The following CSMD1 variants were observed in gnomAD, a reference collection of about 807,000 sequenced individuals.
CSMD1 encodes CUB and Sushi multiple domains 1.
In CSMD1, 213 loss-of-function variants were observed where a neutral mutation model predicts 417.5. The observed-to-expected ratio is 0.51, with a 90% CI of 0.46 to 0.57. CSMD1 has a LOEUF of 0.57. Ranked by LOEUF, CSMD1 falls within the 20% of genes least tolerant of loss-of-function variation. The pLI is 0.00. For missense variants in CSMD1, 6,923 were observed against 4,529.7 expected (o/e 1.53, Z -15.17); for synonymous variants, 2,862 against 1,736.8 (o/e 1.65, Z -16.11).
At chr8:3,040,175 C>A (rs7014609) in intron 50 of CSMD1, among the ~76,000 whole-genome samples, 6,042 of 151,994 alleles carry the variant, frequency 0.04, 412 homozygotes, top group African/African-American at 0.14. Flanking sequence ...AAAGAAGGAA[C>A]GAACATCCAA....
intron 3 of CSMD1, among the ~76,000 whole-genome samples, chr8:4,233,397 T>A (rs1801860468): frequency 6.6e-6 from 1 of 152,198 alleles, no homozygotes; most frequent in African/African-American, 2.4e-5. Context: ...GAAAGTGTTT[T>A]CCACAAAATT....
At chr8:4,575,566 A>G (rs544030609) in intron 2 of CSMD1, among the ~76,000 whole-genome samples, 2 of 152,310 alleles carry the variant, frequency 1.3e-5, no homozygotes, top group East Asian at 3.9e-4. Flanking sequence ...TCACTTTGAG[A>G]CAGAAAGTTG....
intron 3 of CSMD1, among the ~76,000 whole-genome samples, chr8:4,323,882 T>A (rs1799409162): frequency 6.6e-6 from 1 of 152,046 alleles, no homozygotes; most frequent in Admixed American, 6.6e-5. Context: ...ATGAAGAAAC[T>A]CCACATTTTG....
At chr8:4,985,769 A>C (rs562831257) in intron 1 of CSMD1, among the ~76,000 whole-genome samples, 24 of 152,340 alleles carry the variant, frequency 1.6e-4, no homozygotes, top group African/African-American at 5.8e-4. Flanking sequence ...ATGTTGAACA[A>C]GTGAACTGCA....
chr8:4,633,248 T>G (rs546188418), intron 2 of CSMD1, among the ~76,000 whole-genome samples: 1 of 149,408 alleles, frequency 6.7e-6, no homozygotes, highest in East Asian at 1.9e-4. Flanking sequence ...TGTGTTCGTT[T>G]GTTTCTTTGT....
intron 26 of CSMD1, among the ~76,000 whole-genome samples, chr8:3,276,677 A>G (rs528240363): frequency 6.6e-6 from 1 of 152,290 alleles, no homozygotes; most frequent in South Asian, 2.1e-4. Context: ...GCAGTTACAT[A>G]TTTATTAAAG....
intron 41 of CSMD1, among the ~76,000 whole-genome samples, chr8:3,137,402 C>T (rs760511633): frequency 6.1e-4 from 93 of 152,316 alleles, no homozygotes; most frequent in Middle Eastern, 6.8e-3. Flanking sequence ...GGAATAAACA[C>T]CTCAAGTATG....
chr8:4,334,665 C>A (rs528188778), intron 3 of CSMD1, among the ~76,000 whole-genome samples: 33 of 152,196 alleles, frequency 2.2e-4, no homozygotes, highest in African/African-American at 7.7e-4. Context: ...GTTAGAGAAG[C>A]TGTAAATCCT....
At chr8:3,997,581 T>C (rs975769423) in intron 5 of CSMD1, among the ~76,000 whole-genome samples, 1 of 152,182 alleles carries the variant, frequency 6.6e-6, no homozygotes, top group African/African-American at 2.4e-5. Context: ...AAATCTCTGC[T>C]CACAGTGAAA....
At chr8:4,970,837 A>G (rs994100010) in intron 1 of CSMD1, among the ~76,000 whole-genome samples, 2 of 152,104 alleles carry the variant, frequency 1.3e-5, no homozygotes, top group African/African-American at 4.8e-5. Flanking sequence ...CATCAAAATC[A>G]AAGTATGGTA....
Position 2,986,694 on chromosome 8 carries a change from C to A in CSMD1, c.8378-7894G>T, listed in dbSNP as rs7008095. On this transcript the variant is annotated intron_variant, in intron 54 of 69. Coordinates refer to ENST00000635120, the MANE Select transcript of CSMD1 (RefSeq NM_033225.6). ...TAATTTTTTGTATTTTTAGTAGAGA[C>A]GGGTTTTCACTCTGTTAGCCAGGAT... Among the ~76,000 whole-genome samples the A allele has an allele frequency of 4.6e-3, 704 of 152,010 alleles. 4 individuals carry two copies. Among genetic ancestry groups the A allele is most frequent in the African/African-American group, 0.016 (668 of 41,510 alleles).
At chr8:4,357,318 T>C (rs532863572) in intron 3 of CSMD1, among the ~76,000 whole-genome samples, 27 of 152,348 alleles carry the variant, frequency 1.8e-4, no homozygotes, top group African/African-American at 6.0e-4. Context: ...TTCCTCCTGA[T>C]ATCATGCCTG....
intron 27 of CSMD1, 125 bp downstream of exon 27, chr8:3,229,915 G>T (rs1280113121): frequency 1.5e-6 from 1 of 675,650 alleles, no homozygotes; most frequent in Non-Finnish European, 2.4e-6. Context: ...GTCTCAGAGA[G>T]CCAGAGAACA....
chr8:3,323,933 C>CA lies in CSMD1; in HGVS notation c.3632-15431_3632-15430insT, dbSNP rs1554515023. Among the ~76,000 whole-genome samples, 103 of 98,620 alleles carry CA rather than the reference C, an allele frequency of 1.0e-3. 1 individual carries two copies. The highest frequency in any genetic ancestry group is 5.5e-3 in the East Asian group (11 of 1,986). 64.7% of individuals were successfully genotyped at this position (98,620 alleles called of 152,430 possible). A position where few individuals can be genotyped will look rare whatever the true frequency, so the allele number is the denominator to read the frequency against. ...ATTGTTAAAATAGACACACATCTAA[C>CA]CCCAGAGACCCAGGAGGGGGAGTTT... On this transcript the variant is annotated intron_variant, in intron 23 of 69. Coordinates refer to ENST00000635120, the MANE Select transcript of CSMD1 (RefSeq NM_033225.6).
chr8:3,998,190 T>G, intron 4 of CSMD1, 80 bp from the exon 5 acceptor site: 1 of 1,252,736 alleles, frequency 8.0e-7, no homozygotes, highest in Non-Finnish European at 1.1e-6. Context: ...AGTGTCACTC[T>G]TGATCAGCGA....
intron 3 of CSMD1, among the ~76,000 whole-genome samples, chr8:4,289,486 A>G (rs1386642234): frequency 6.6e-6 from 1 of 152,216 alleles, no homozygotes; most frequent in African/African-American, 2.4e-5. Context: ...GATTTGGACC[A>G]CATAAACTGA....
At chr8:4,702,681 T>C (rs1397902608) in intron 1 of CSMD1, among the ~76,000 whole-genome samples, 5 of 152,132 alleles carry the variant, frequency 3.3e-5, no homozygotes, top group Non-Finnish European at 7.4e-5. Context: ...TAACCACTAA[T>C]ACAACCGTAT....
At chr8:4,288,745 G>C (rs1056674293) in intron 3 of CSMD1, among the ~76,000 whole-genome samples, 1 of 152,094 alleles carries the variant, frequency 6.6e-6, no homozygotes, top group Non-Finnish European at 1.5e-5. Context: ...TCTCTCAGAT[G>C]GTCAACCTCC....
intron 4 of CSMD1, among the ~76,000 whole-genome samples, chr8:4,023,252 G>C (rs931116924): frequency 6.6e-6 from 1 of 152,100 alleles, no homozygotes; most frequent in South Asian, 2.1e-4. Context: ...TCACCGCTGC[G>C]CATAAAAACA....
Sources: allele counts gnomAD v4.1 joint callset (sites outside exome capture counted in the v4.1 genomes callset), GRCh38; gene constraint gnomAD v4.1.1; transcripts MANE v1.5; gene names NCBI Gene and HGNC (gene_info 2026-07-23, HGNC 2026-07-21).